NETO1: variants seen among roughly 807,000 people sequenced by gnomAD.
NETO1 encodes neuropilin and tolloid-like protein 1.
In NETO1, 26 loss-of-function variants were observed where a neutral mutation model predicts 61.3. The observed-to-expected ratio is 0.42, with a 90% CI of 0.31 to 0.59. NETO1 has a LOEUF of 0.59. NETO1 is among the 20% of genes least tolerant of loss of function. The probability of loss-of-function intolerance (pLI) is 0.12; values close to 1 mark genes in which losing one functional copy is unlikely to be tolerated. For synonymous variants in NETO1, 225 were observed against 225.8 expected (o/e 1.00, Z 0.03); for missense variants, 531 against 662.8 (o/e 0.80, Z 2.18).
chr18:72,766,236 G>A (rs1481040807), intron 7 of NETO1, among the ~76,000 whole-genome samples: 3 of 149,608 alleles, frequency 2.0e-5, no homozygotes, highest in Non-Finnish European at 4.4e-5. Flanking sequence ...GTGTGTGTGT[G>A]TGTGTGTGTG....
At chr18:72,806,975 T>A (rs2072694223) in intron 4 of NETO1, among the ~76,000 whole-genome samples, 1 of 152,178 alleles carries the variant, frequency 6.6e-6, no homozygotes, top group South Asian at 2.1e-4. Flanking sequence ...AAAACCAGAG[T>A]GTTTGTAGTT....
Position 72,867,807 on chromosome 18 carries a change from G to A in NETO1, c.-516C>T, listed in dbSNP as rs2074787299. 1.3e-5 allele frequency: 2 copies of A among 159,986 alleles called. No homozygotes were observed. The highest frequency in any genetic ancestry group is 2.7e-5 in the Non-Finnish European group (2 of 75,334). The allele number at this position is 159,986 out of a possible 1,614,324, so 9.9% of individuals were successfully genotyped here. On this transcript the variant is annotated 5_prime_UTR_variant, in exon 1 of 11. Transcript: ENST00000327305. ...CGGCGGCGGCGCCGGCGGCGGCGGG[G>A]TGGCTCAGTCCCCAGTCTCAGACGC...
chr18:72,795,716 A>G (rs1599015747), intron 4 of NETO1, among the ~76,000 whole-genome samples: 1 of 151,948 alleles, frequency 6.6e-6, no homozygotes, highest in East Asian at 1.9e-4. Context: ...AAGATAATTC[A>G]CGTCTTACCA....
rs980826396 is a variant in NETO1, at chr18:72,756,135, C to T, written c.881G>A (p.Gly294Asp). The change falls in exon 8 of 11, where the codon GGC (glycine) becomes GAC (aspartate). Residue 294 changes from glycine (G) to aspartate (D), a missense_variant. By Grantham distance (94) the Gly-to-Asp change is moderately conservative (BLOSUM62 -1). Coordinates refer to ENST00000327305, the MANE Select transcript of NETO1 (RefSeq NM_138966.5). ...FTSFQEPPCEGNTFFCHSNMC... is the reference protein window; with the variant it reads ...FTSFQEPPCEDNTFFCHSNMC... ...GTTACTATGGCAGAAGAATGTGTTG[C>T]CTTCACAAGGAGCTAAAAAGAAGAA... 5.0e-6 allele frequency: 8 copies of T among 1,588,836 alleles called. No homozygotes were observed. The highest frequency in any genetic ancestry group is 6.0e-6 in the Non-Finnish European group (7 of 1,159,122).
In NETO1 at chr18:72,748,152, A is replaced by G; in HGVS notation, c.*27T>C. On this transcript the variant is annotated 3_prime_UTR_variant, in exon 11 of 11. Coordinates refer to ENST00000327305, the MANE Select transcript of NETO1 (RefSeq NM_138966.5). ...CTTTTCACAGTCCCCATGTTTGTATAAATAGTTCTTCTCTGAAAATAAAAA... is the reference window on the plus strand; with the variant it reads ...CTTTTCACAGTCCCCATGTTTGTATGAATAGTTCTTCTCTGAAAATAAAAA... 1.0e-6 allele frequency: 1 copy of G among 981,948 alleles called. No homozygotes were observed. Among genetic ancestry groups the G allele is most frequent in the Non-Finnish European group, 1.2e-6 (1 of 826,290 alleles). 60.8% of individuals were successfully genotyped at this position (981,948 alleles called of 1,614,324 possible). A position where few individuals can be genotyped will look rare whatever the true frequency, so the allele number is the denominator to read the frequency against.
chr18:72,849,002 G>A (rs1346360738), intron 4 of NETO1, among the ~76,000 whole-genome samples: 1 of 151,986 alleles, frequency 6.6e-6, no homozygotes, highest in Non-Finnish European at 1.5e-5. Context: ...TTTGGATTCT[G>A]CTGAGATGAC....
chr18:72,790,919 A>G (rs191949979), intron 6 of NETO1, among the ~76,000 whole-genome samples: 182 of 152,250 alleles, frequency 1.2e-3, no homozygotes, highest in African/African-American at 4.1e-3. Flanking sequence ...AGTTACCATG[A>G]TTTGGTCTCC....
intron 4 of NETO1, chr18:72,834,704 A>AT: frequency 2.0e-6 from 2 of 985,104 alleles, no homozygotes; most frequent in East Asian, 2.3e-4. Context: ...GCGAATAATA[A>AT]TACGCTCTCT....
intron 7 of NETO1, among the ~76,000 whole-genome samples, chr18:72,771,645 G>T (rs554260920): frequency 2.6e-5 from 4 of 152,234 alleles, no homozygotes; most frequent in Admixed American, 2.0e-4. Flanking sequence ...TCTGATGCTG[G>T]AGTGATTGTT....
rs185595307 is a variant in NETO1, at chr18:72,773,384, T to C, written c.868+10294A>G. Among the ~76,000 whole-genome samples, 250 of 152,238 alleles carry C rather than the reference T, an allele frequency of 1.6e-3. 1 individual carries two copies. The highest frequency in any genetic ancestry group is 3.1e-3 in the Non-Finnish European group (211 of 68,016). ...AAAATAAGTTTTCACAGAGAAAGAA[T>C]GTAAGTTAATAACCAAATGATATCC... is the stretch of plus-strand genomic sequence containing the variant. On this transcript the variant is annotated intron_variant, in intron 7 of 10. Coordinates refer to ENST00000327305, the MANE Select transcript of NETO1 (RefSeq NM_138966.5).
chr18:72,794,007 A>T, intron 6 of NETO1, 110 bp downstream of exon 6: 1 of 1,372,586 alleles, frequency 7.3e-7, no homozygotes, highest in East Asian at 2.3e-5. Flanking sequence ...ATAGCCTTTG[A>T]TGGCTGCACT....
At chr18:72,823,489 G>A (rs2073274481) in intron 4 of NETO1, among the ~76,000 whole-genome samples, 1 of 152,056 alleles carries the variant, frequency 6.6e-6, no homozygotes, top group African/African-American at 2.4e-5. Context: ...TTGCCAGGTA[G>A]AGGGAAGAGG....
In NETO1 at chr18:72,796,491, T is replaced by C. The variant is rs1428098399; in HGVS notation, c.470-2087A>G. ...GTTTTTAAAATAGATTTTTTTTGTTTGTTTTTTTGAGACGGAGTCTGGCTC... is the reference window on the plus strand; with the variant it reads ...GTTTTTAAAATAGATTTTTTTTGTTCGTTTTTTTGAGACGGAGTCTGGCTC... On this transcript the variant is annotated intron_variant, in intron 4 of 10. Transcript: ENST00000327305. Among the ~76,000 whole-genome samples the C allele has an allele frequency of 2.6e-5, 4 of 152,220 alleles. No individual in the cohort carries two copies. In the East Asian group the frequency reaches 7.7e-4, roughly 29 times the overall value.
intron 4 of NETO1, among the ~76,000 whole-genome samples, chr18:72,827,411 A>T (rs1327181350): frequency 2.0e-5 from 3 of 152,192 alleles, no homozygotes; most frequent in African/African-American, 7.2e-5. Context: ...GCCCCTCCAT[A>T]GGGTTGTAGC....
At chr18:72,794,036 G>A (rs112988624) in intron 6 of NETO1, 81 bp downstream of exon 6, 11 of 1,558,776 alleles carry the variant, frequency 7.1e-6, no homozygotes, top group African/African-American at 2.7e-5. Flanking sequence ...TATTAGACAC[G>A]TCCAGTTGCT....
chr18:72,799,419 G>C (rs1177502102), intron 4 of NETO1, among the ~76,000 whole-genome samples: 1 of 152,204 alleles, frequency 6.6e-6, no homozygotes, highest in Admixed American at 6.5e-5. Flanking sequence ...ATCACAGCTA[G>C]AGAACTGTTC....
At chr18:72,835,436 T>C in intron 4 of NETO1, 1 of 706,170 alleles carries the variant, frequency 1.4e-6, no homozygotes, top group Non-Finnish European at 2.3e-6. Flanking sequence ...AAATCCAAAG[T>C]AGGAATACAA....
intron 7 of NETO1, among the ~76,000 whole-genome samples, chr18:72,768,281 T>C (rs12968816): frequency 0.3 from 45,800 of 152,016 alleles, 8,093 homozygotes; most frequent in South Asian, 0.48. Context: ...AAATTAAAAA[T>C]AAATTCTTTA....
chr18:72,747,012 T>C lies in NETO1; in HGVS notation c.*1167A>G, dbSNP rs2070445900. On this transcript the variant is annotated 3_prime_UTR_variant, in exon 11 of 11. Coordinates refer to ENST00000327305, the MANE Select transcript of NETO1 (RefSeq NM_138966.5). The stretch of plus-strand genomic sequence containing the variant: ...GTGGTTTAATTCATAAAAGGGCTTG[T>C]GATTTTAAAGCAGTTTTAAAAAGAG... 6.6e-6 allele frequency: 1 copy of C among 151,980 alleles called. No individual in the cohort carries two copies. The highest frequency in any genetic ancestry group is 2.4e-5 in the African/African-American group (1 of 41,436). The allele number at this position is 151,980 out of a possible 1,614,324, so 9.4% of individuals were successfully genotyped here.
Sources: gnomAD v4.1 joint callset for allele counts (sites outside exome capture counted in the v4.1 genomes callset) on GRCh38, gnomAD v4.1.1 for gene constraint, MANE v1.5 for transcripts, NCBI Gene and HGNC (gene_info 2026-07-23, HGNC 2026-07-21) for gene names.